The following GAN variants were observed in gnomAD, a reference collection of about 807,000 sequenced individuals.
GAN encodes gigaxonin.
In GAN, 48 loss-of-function variants were observed where a neutral mutation model predicts 71.3. The observed-to-expected ratio is 0.67, with a 90% CI of 0.53 to 0.86. GAN has a LOEUF of 0.86. GAN is among the 40% of genes least tolerant of loss of function. The pLI, the probability that GAN is intolerant of heterozygous loss-of-function variation, is 0.00. For synonymous variants in GAN, 386 were observed against 276.8 expected (o/e 1.39, Z -3.92); for missense variants, 928 against 770.1 (o/e 1.21, Z -2.43).
chr16:81,323,894 G>T (rs1415863748), intron 1 of GAN, among the ~76,000 whole-genome samples: 5 of 152,190 alleles, frequency 3.3e-5, no homozygotes, highest in African/African-American at 4.8e-5. Context: ...AACCCAGTAT[G>T]TGGAGACCTA....
intron 1 of GAN, among the ~76,000 whole-genome samples, chr16:81,316,455 A>T (rs1433713590): frequency 2.0e-4 from 24 of 118,386 alleles, no homozygotes; most frequent in African/African-American, 6.8e-4. Context: ...TTGTGAATCC[A>T]TTTGCGCTCT....
At chr16:81,374,173 T>C (rs1904275154) in intron 9 of GAN, among the ~76,000 whole-genome samples, 2 of 152,324 alleles carry the variant, frequency 1.3e-5, no homozygotes, top group South Asian at 2.1e-4. Context: ...TTATGCAGTT[T>C]GGCAATACCA....
At position 81,364,985 on chromosome 16, in the gene GAN, T is replaced by C. The variant is rs2150691593; in HGVS notation, c.1248T>C (p.Tyr416=). Reference sequence around the variant, plus strand: ...TTCTCTGCTTTCAGATCGGCTGCTATGCAGCTATGAAAAAGAAAATCTACG... The same window carrying C: ...TTCTCTGCTTTCAGATCGGCTGCTACGCAGCTATGAAAAAGAAAATCTACG... ...DLTMVRKIGC[Y]AAMKKKIYAM... is the part of the protein sequence containing the mutation. The change falls in exon 8 of 11, where the codon TAT becomes TAC. Residue 416 remains tyrosine (Y), a synonymous_variant. Transcript: ENST00000648994. 1 of 1,614,068 alleles carries C rather than the reference T, an allele frequency of 6.2e-7. No individual in the cohort carries two copies. Among genetic ancestry groups the C allele is most frequent in the Non-Finnish European group, 8.5e-7 (1 of 1,179,926 alleles).
chr16:81,354,606 C>T lies in GAN; in HGVS notation c.484C>T (p.Arg162Ter), dbSNP rs1300267158. The part of the protein sequence containing the change: ...LATEYLETHF[R>*]DVSSTEEFLE... Reference sequence around the variant, plus strand: ...CACAGAATACCTGGAGACTCATTTCCGAGACGTCAGCAGCACGGAAGAATT... The same window carrying T: ...CACAGAATACCTGGAGACTCATTTCTGAGACGTCAGCAGCACGGAAGAATT... The change falls in exon 3 of 11, where the codon CGA (arginine) becomes TGA (stop). Residue 162 changes from arginine to a stop codon, truncating the protein, a stop_gained. Coordinates refer to ENST00000648994, the MANE Select transcript of GAN (RefSeq NM_022041.4). LOFTEE classifies it high-confidence loss of function. 2.5e-6 allele frequency: 4 copies of T among 1,614,000 alleles called. No individual in the cohort carries two copies. Among genetic ancestry groups the T allele is most frequent in the South Asian group, 1.1e-5 (1 of 91,062 alleles).
At chr16:81,355,574 G>T (rs969133714) in intron 3 of GAN, among the ~76,000 whole-genome samples, 2 of 152,166 alleles carry the variant, frequency 1.3e-5, no homozygotes, top group African/African-American at 4.8e-5. Flanking sequence ...TGCTGCCCAG[G>T]CTGGTCTCAA....
chr16:81,326,497 C>A (rs1023993049), intron 1 of GAN, among the ~76,000 whole-genome samples: 4 of 152,122 alleles, frequency 2.6e-5, no homozygotes, highest in African/African-American at 9.7e-5. Flanking sequence ...CGCGCCATTG[C>A]GCTCTAGCCT....
In GAN at chr16:81,353,974, G is replaced by C. The variant is rs114867573; in HGVS notation, c.283-431G>C. Among the ~76,000 whole-genome samples, 716 of 152,234 alleles carry C rather than the reference G, an allele frequency of 4.7e-3. 5 individuals carry two copies. Among genetic ancestry groups the C allele is most frequent in the African/African-American group, 0.016 (683 of 41,516 alleles). The stretch of plus-strand genomic sequence containing the variant: ...CATTCAGGTTGGCATGCCATTTAGC[G>C]GAAGAGTGAACTTCATAGGTGGGGA... On this transcript the variant is annotated intron_variant, in intron 2 of 10. Coordinates refer to ENST00000648994, the MANE Select transcript of GAN (RefSeq NM_022041.4).
intron 1 of GAN, among the ~76,000 whole-genome samples, chr16:81,332,263 T>C (rs1185004716): frequency 6.6e-6 from 1 of 152,008 alleles, no homozygotes; most frequent in Non-Finnish European, 1.5e-5. Flanking sequence ...GTCAGAGACG[T>C]TGCAGGTCAT....
At chr16:81,316,966 C>T (rs950086700) in intron 1 of GAN, among the ~76,000 whole-genome samples, 1 of 152,186 alleles carries the variant, frequency 6.6e-6, no homozygotes, top group East Asian at 1.9e-4. Context: ...TCAAGCGATT[C>T]TCCTGCCTCA....
chr16:81,339,586 AT>A (rs1909875220), intron 1 of GAN, among the ~76,000 whole-genome samples: 1 of 152,256 alleles, frequency 6.6e-6, no homozygotes, highest in Non-Finnish European at 1.5e-5. Flanking sequence ...ACTAAAGGAA[AT>A]AGAGAAATAC....
chr16:81,332,615 C>G (rs1909619737), intron 1 of GAN, among the ~76,000 whole-genome samples: 1 of 152,212 alleles, frequency 6.6e-6, no homozygotes, highest in Non-Finnish European at 1.5e-5. Context: ...GCTGATTCTG[C>G]CTTCCCTTGT....
At chr16:81,330,355 T>C (rs1909534692) in intron 1 of GAN, among the ~76,000 whole-genome samples, 1 of 152,138 alleles carries the variant, frequency 6.6e-6, no homozygotes, top group Non-Finnish European at 1.5e-5. Context: ...CAGAAAGCAC[T>C]GAGGAGCTCA....
At position 81,385,370 on chromosome 16, in the gene GAN, C is replaced by G. The variant is rs1349658491; in HGVS notation, c.*7774C>G. 1.3e-5 allele frequency: 2 copies of G among 152,204 alleles called. No homozygotes were observed. The highest frequency in any genetic ancestry group is 3.2e-3 in the Middle Eastern group (1 of 316). 9.4% of individuals were successfully genotyped at this position (152,204 alleles called of 1,614,324 possible). A position where few individuals can be genotyped will look rare whatever the true frequency, so the allele number is the denominator to read the frequency against. ...CAATCATCTTTATATACTTTCCTTA[C>G]AAACCCAGTGGTTGAGAGCATAGGC... is the stretch of plus-strand genomic sequence containing the variant. On this transcript the variant is annotated 3_prime_UTR_variant, in exon 11 of 11. Coordinates refer to ENST00000648994, the MANE Select transcript of GAN (RefSeq NM_022041.4).
chr16:81,325,056 T>G (rs2150668846), intron 1 of GAN, among the ~76,000 whole-genome samples: 1 of 152,102 alleles, frequency 6.6e-6, no homozygotes, highest in African/African-American at 2.4e-5. Context: ...CAGGGATGGC[T>G]CCCAGGCACG....
chr16:81,329,146 C>T (rs919982481), intron 1 of GAN, among the ~76,000 whole-genome samples: 4 of 151,812 alleles, frequency 2.6e-5, no homozygotes, highest in African/African-American at 9.7e-5. Flanking sequence ...TCCTGTTCCC[C>T]CACCCTTTTT....
In GAN at chr16:81,378,977, A is replaced by G. The variant is rs1387269955; in HGVS notation, c.*1381A>G. The G allele has an allele frequency of 6.6e-6, 1 of 152,224 alleles. No individual in the cohort carries two copies. The highest frequency in any genetic ancestry group is 1.5e-5 in the Non-Finnish European group (1 of 68,038). The allele number at this position is 152,224 out of a possible 1,614,324, so 9.4% of individuals were successfully genotyped here. A position where few individuals can be genotyped will look rare whatever the true frequency, so the allele number is the denominator to read the frequency against. On this transcript the variant is annotated 3_prime_UTR_variant, in exon 11 of 11. Transcript: ENST00000648994. ...TTCCTTCCTAAATTGAATTTTATGC[A>G]ATGTCAAATTTCTAATCAATTTAAT...
chr16:81,357,828 A>AGCGAT lies in GAN; in HGVS notation c.878_882dup (p.Met295AspfsTer20). 1 of 1,613,632 alleles carries AGCGAT rather than the reference A, an allele frequency of 6.2e-7. No homozygotes were observed. The highest frequency in any genetic ancestry group is 8.5e-7 in the Non-Finnish European group (1 of 1,179,486). ...TCCTTAGTTCACGGAAACCCACAGC[A>AGCGAT]GCGATGCGATGCATGTGCCCTCTCT... On this transcript the variant is annotated frameshift_variant, in exon 5 of 11. Transcript: ENST00000648994. LOFTEE classifies it high-confidence loss of function.
In GAN at chr16:81,380,206, C is replaced by T. The variant is rs527255982; in HGVS notation, c.*2610C>T. 2.7e-4 allele frequency: 41 copies of T among 152,702 alleles called. No homozygotes were observed. Among genetic ancestry groups the T allele is most frequent in the African/African-American group, 8.2e-4 (34 of 41,562 alleles). The allele number at this position is 152,702 out of a possible 1,614,324, so 9.5% of individuals were successfully genotyped here. On this transcript the variant is annotated 3_prime_UTR_variant, in exon 11 of 11. Transcript: ENST00000648994. ...TGCAGGTTTGTGTTTTAACATTCCA[C>T]TTATGCCTTGAAACATCATTTCTTG...
In GAN at chr16:81,365,531, G is replaced by T. The variant is rs1567496576; in HGVS notation, c.1502+53G>T. ...CTGCAACTTTTTCTTTGTGCTTTCA[G>T]TCGTATTTTAGCTTTGTTTAGTTTT... On this transcript the variant is annotated intron_variant, in intron 9 of 10. Coordinates refer to ENST00000648994, the MANE Select transcript of GAN (RefSeq NM_022041.4). 1.9e-6 allele frequency: 3 copies of T among 1,569,112 alleles called. No individual in the cohort carries two copies. In the East Asian group the frequency reaches 6.7e-5, roughly 35 times the overall value.
Sources: gnomAD v4.1 joint callset for allele counts (sites outside exome capture counted in the v4.1 genomes callset) on GRCh38, gnomAD v4.1.1 for gene constraint, MANE v1.5 for transcripts, NCBI Gene and HGNC (gene_info 2026-07-23, HGNC 2026-07-21) for gene names.